Variants in L3MBTL4 observed in about 807,000 individuals in gnomAD.
L3MBTL4 encodes L3MBTL histone methyl-lysine binding protein 4, also known as lethal(3)malignant brain tumor-like protein 4.
In L3MBTL4, 70 loss-of-function variants were observed where a neutral mutation model predicts 84.5. The ratio of observed to expected loss-of-function variants is 0.83; its 90% confidence interval spans 0.68 to 1.01. The LOEUF (loss-of-function observed/expected upper bound fraction) is 1.01, where lower values mean the gene tolerates loss of function less well. L3MBTL4 is among the 50% of genes least tolerant of loss of function. The probability of loss-of-function intolerance (pLI) is 0.00; values close to 1 mark genes in which losing one functional copy is unlikely to be tolerated. For synonymous variants in L3MBTL4, 274 were observed against 259.8 expected, an observed-to-expected ratio of 1.05 and a Z score of -0.52; for missense variants, 715 against 754.8, an observed-to-expected ratio of 0.95 and a Z score of 0.62.
intron 10 of L3MBTL4, among the ~76,000 whole-genome samples, chr18:6,222,685 G>A (rs1013817588): frequency 2.0e-5 from 3 of 152,066 alleles, no homozygotes; most frequent in South Asian, 2.1e-4. Flanking sequence ...CAATCCTCAC[G>A]TTATATCTTT....
At chr18:5,963,469 C>T (rs565694975) in intron 17 of L3MBTL4, among the ~76,000 whole-genome samples, 15 of 152,316 alleles carry the variant, frequency 9.8e-5, no homozygotes, top group African/African-American at 3.4e-4. Flanking sequence ...CCACCTGGCC[C>T]GCAAGCAGCA....
At chr18:5,979,105 G>T (rs773965456) in intron 16 of L3MBTL4, among the ~76,000 whole-genome samples, 4 of 152,124 alleles carry the variant, frequency 2.6e-5, no homozygotes, top group Non-Finnish European at 5.9e-5. Context: ...CAAAAGAGTG[G>T]ATCCTTCTTG....
chr18:6,303,995 C>G (rs945811691), intron 3 of L3MBTL4, among the ~76,000 whole-genome samples: 1 of 100,746 alleles, frequency 9.9e-6, no homozygotes, highest in Non-Finnish European at 1.9e-5. Context: ...GCGTGGGCAA[C>G]AAGAGCTAAA....
chr18:6,095,259 T>A (rs778366517), intron 14 of L3MBTL4, among the ~76,000 whole-genome samples: 1 of 152,082 alleles, frequency 6.6e-6, no homozygotes, highest in Non-Finnish European at 1.5e-5. Flanking sequence ...TAAGCAACTT[T>A]ACCAAGGCCT....
At chr18:6,247,278 T>C (rs1440596466) in intron 5 of L3MBTL4, among the ~76,000 whole-genome samples, 1 of 152,092 alleles carries the variant, frequency 6.6e-6, no homozygotes, top group Non-Finnish European at 1.5e-5. Flanking sequence ...TTTGTCCATT[T>C]ATCCAACAAT....
In L3MBTL4 at chr18:6,178,872, C is replaced by A. The variant is rs138463526; in HGVS notation, c.982-6930G>T. ...TTTTCCTTATCTTTACTTCCCAATG[C>A]CCACAGTAGGACTTGCCCTGAGCCC... On this transcript the variant is annotated intron_variant, in intron 12 of 18. Coordinates refer to ENST00000317931, the MANE Select transcript of L3MBTL4 (RefSeq NM_001330559.2). 3.3e-3 allele frequency among the ~76,000 whole-genome samples: 501 copies of A among 152,304 alleles called. 2 individuals are homozygous for A. The highest frequency in any genetic ancestry group is 0.011 in the African/African-American group (467 of 41,562).
intron 1 of L3MBTL4, among the ~76,000 whole-genome samples, chr18:6,383,828 C>A (rs1438944286): frequency 6.6e-6 from 1 of 152,184 alleles, no homozygotes; most frequent in Non-Finnish European, 1.5e-5. Flanking sequence ...CTTGTACAAT[C>A]TGCATGAATG....
chr18:5,969,420 G>T lies in L3MBTL4; in HGVS notation c.1587C>A (p.Ser529Arg), dbSNP rs2052522597. The stretch of plus-strand genomic sequence containing the variant: ...CATCCACAGTCCAACGTGCCACTTG[G>T]CTGGCCCGGATGTCAGCCACGCCTG... Reference protein sequence around the residue: ...LLPGVADIRASQVARWTVDEV... With the variant: ...LLPGVADIRARQVARWTVDEV... Residue 529 changes from serine to arginine, a missense_variant, in exon 17 of 19, where the codon AGC becomes AGA. Coordinates refer to ENST00000317931, the MANE Select transcript of L3MBTL4 (RefSeq NM_001330559.2). The T allele has an allele frequency of 6.2e-7, 1 of 1,613,624 alleles. No individual in the cohort carries two copies.
intron 14 of L3MBTL4, among the ~76,000 whole-genome samples, chr18:6,103,587 T>C (rs915247252): frequency 6.6e-6 from 1 of 152,234 alleles, no homozygotes; most frequent in Non-Finnish European, 1.5e-5. Flanking sequence ...ATTAAAAGTA[T>C]GCATTTTGGC....
rs180732202 is a variant in L3MBTL4 at position 6,348,571 on chromosome 18, T to C, written c.-90-36515A>G. Among the ~76,000 whole-genome samples the C allele has an allele frequency of 1.8e-3, 274 of 152,156 alleles. 1 individual carries two copies. The highest frequency in any genetic ancestry group is 2.8e-3 in the Non-Finnish European group (188 of 67,968). On this transcript the variant is annotated intron_variant, in intron 1 of 18. Transcript: ENST00000317931. Reference sequence around the variant, plus strand: ...AAAGGAAGTCCAGATGCATTGTAGATCTAAATGTTAAAAAGTACAGCAACA... The same window carrying C: ...AAAGGAAGTCCAGATGCATTGTAGACCTAAATGTTAAAAAGTACAGCAACA...
At chr18:6,350,769 T>C (rs1198447530) in intron 1 of L3MBTL4, among the ~76,000 whole-genome samples, 4 of 152,234 alleles carry the variant, frequency 2.6e-5, no homozygotes, top group East Asian at 3.9e-4. Flanking sequence ...CAGAAATTAG[T>C]GCACCAATGT....
intron 10 of L3MBTL4, among the ~76,000 whole-genome samples, chr18:6,220,489 G>A (rs2046505446): frequency 1.3e-5 from 2 of 152,040 alleles, no homozygotes; most frequent in African/African-American, 4.8e-5. Context: ...TTCTCGCTCA[G>A]TCCCACCCTG....
intron 15 of L3MBTL4, among the ~76,000 whole-genome samples, chr18:6,090,343 C>T (rs1019823065): frequency 9.9e-5 from 15 of 151,934 alleles, no homozygotes; most frequent in African/African-American, 3.6e-4. Context: ...CTATTTCTAC[C>T]ACTAAATCAT....
chr18:5,958,044 GAGA>G (rs752263847), intron 18 of L3MBTL4, among the ~76,000 whole-genome samples: 6,428 of 127,354 alleles, frequency 0.05, 673 homozygotes, highest in African/African-American at 0.18. Context: ...GGAGGAGGAG[GAGA>G]AGGAGAAGGA....
chr18:6,309,846 A>T (rs1269059982), intron 3 of L3MBTL4, among the ~76,000 whole-genome samples: 1 of 152,164 alleles, frequency 6.6e-6, no homozygotes. Context: ...TGGATGGGGG[A>T]AGGTGGTCTC....
intron 13 of L3MBTL4, among the ~76,000 whole-genome samples, chr18:6,146,491 C>T (rs1489245111): frequency 6.6e-6 from 1 of 152,204 alleles, no homozygotes; most frequent in Non-Finnish European, 1.5e-5. Context: ...GTCCATGCAA[C>T]GGTTGAACCT....
At chr18:6,185,172 T>G (rs1363108304) in intron 12 of L3MBTL4, among the ~76,000 whole-genome samples, 1 of 152,196 alleles carries the variant, frequency 6.6e-6, no homozygotes, top group Admixed American at 6.5e-5. Context: ...TCCTGGATCT[T>G]GACTGAAAAA....
At chr18:5,958,109 G>C (rs866734673) in intron 18 of L3MBTL4, among the ~76,000 whole-genome samples, 6 of 92,892 alleles carry the variant, frequency 6.5e-5, no homozygotes, top group African/African-American at 2.6e-4. Flanking sequence ...AGAAGAAGAA[G>C]AAGAAGAAGA....
chr18:6,311,118 GTCTC>G (rs368782025), intron 3 of L3MBTL4, among the ~76,000 whole-genome samples: 3 of 151,438 alleles, frequency 2.0e-5, no homozygotes, highest in Admixed American at 6.6e-5. Context: ...TTTAAGATAA[GTCTC>G]TCTCTCTCTC....
Sources: allele counts gnomAD v4.1 joint callset (sites outside exome capture counted in the v4.1 genomes callset), GRCh38; gene constraint gnomAD v4.1.1; transcripts MANE v1.5; gene names NCBI Gene and HGNC (gene_info 2026-07-23, HGNC 2026-07-21).